Variants in OPCML observed in about 807,000 individuals in gnomAD.
OPCML encodes opioid-binding protein/cell adhesion molecule.
In OPCML, 13 loss-of-function variants were observed where a neutral mutation model predicts 37.8. The ratio of observed to expected loss-of-function variants is 0.34; its 90% CI spans 0.22 to 0.55. The LOEUF (loss-of-function observed/expected upper bound fraction) is 0.55. Among genes scored for constraint, OPCML ranks in the 20% least tolerant of loss-of-function variants. The pLI is 0.91. For missense variants in OPCML, 341 were observed against 435.6 expected, an observed-to-expected ratio of 0.78 and a Z score of 1.93; for synonymous variants, 176 against 168.8, an observed-to-expected ratio of 1.04 and a Z score of -0.33.
At chr11:132,772,522 G>A (rs1454828414) in intron 2 of OPCML, 1 of 152,066 alleles carries the variant, frequency 6.6e-6, no homozygotes, top group African/African-American at 2.4e-5. Flanking sequence ...ATGGAAGGAG[G>A]GCACTTATTC....
At chr11:132,853,804 C>T (rs1408473662) in intron 2 of OPCML, among the ~76,000 whole-genome samples, 5 of 152,140 alleles carry the variant, frequency 3.3e-5, no homozygotes, top group Admixed American at 1.3e-4. Context: ...TATAAAAACA[C>T]AAACAAAACT....
chr11:132,691,288 C>T (rs895070233), intron 2 of OPCML, among the ~76,000 whole-genome samples: 1 of 152,194 alleles, frequency 6.6e-6, no homozygotes, highest in Non-Finnish European at 1.5e-5. Context: ...ACCTCCTGAC[C>T]TCCCATTGCA....
intron 4 of OPCML, among the ~76,000 whole-genome samples, chr11:132,438,784 G>A (rs2096021922): frequency 1.3e-5 from 2 of 152,144 alleles, no homozygotes; most frequent in South Asian, 2.1e-4. Flanking sequence ...GTCTGTGGAG[G>A]TGGGCTTGGG....
At chr11:132,613,589 C>A (rs1259642556) in intron 3 of OPCML, among the ~76,000 whole-genome samples, 1 of 152,188 alleles carries the variant, frequency 6.6e-6, no homozygotes, top group Non-Finnish European at 1.5e-5. Flanking sequence ...CCCAGTCGTT[C>A]TTCCCCATTC....
chr11:133,046,238 C>T (rs1319297156), intron 1 of OPCML, among the ~76,000 whole-genome samples: 4 of 152,142 alleles, frequency 2.6e-5, no homozygotes, highest in Non-Finnish European at 5.9e-5. Context: ...TGGTCAATGC[C>T]TTTGAAAATT....
At chr11:132,678,819 A>T (rs1198813575) in intron 2 of OPCML, among the ~76,000 whole-genome samples, 2 of 152,134 alleles carry the variant, frequency 1.3e-5, no homozygotes, top group Non-Finnish European at 2.9e-5. Context: ...CTCATTACAC[A>T]TTTGTCTAAA....
chr11:133,225,406 C>A (rs762314110), intron 1 of OPCML, among the ~76,000 whole-genome samples: 2 of 152,208 alleles, frequency 1.3e-5, no homozygotes, highest in South Asian at 2.1e-4. Context: ...AGCTGGGCAA[C>A]CCTCGGCCCG....
intron 2 of OPCML, among the ~76,000 whole-genome samples, chr11:132,821,607 T>C (rs1565888384): frequency 2.0e-5 from 3 of 152,236 alleles, no homozygotes; most frequent in South Asian, 2.1e-4. Flanking sequence ...AGACCTGTAA[T>C]ACATGAAAGA....
chr11:133,150,929 C>T (rs1949972590), intron 1 of OPCML, among the ~76,000 whole-genome samples: 1 of 152,024 alleles, frequency 6.6e-6, no homozygotes, highest in African/African-American at 2.4e-5. Context: ...TCCTCCCCTG[C>T]CCCGGAACCC....
At chr11:133,272,356 T>C (rs1456382351) in intron 1 of OPCML, among the ~76,000 whole-genome samples, 2 of 152,152 alleles carry the variant, frequency 1.3e-5, no homozygotes, top group Admixed American at 6.5e-5. Flanking sequence ...AGTTATTTAT[T>C]ATCAGACAGT....
At chr11:132,975,862 C>T (rs1054468708) in intron 1 of OPCML, among the ~76,000 whole-genome samples, 4 of 152,104 alleles carry the variant, frequency 2.6e-5, no homozygotes, top group Admixed American at 6.5e-5. Flanking sequence ...CCTCCACCTC[C>T]CGGGTTCACA....
chr11:133,307,465 G>T (rs140118473), intron 1 of OPCML, among the ~76,000 whole-genome samples: 88 of 152,252 alleles, frequency 5.8e-4, no homozygotes, highest in African/African-American at 1.9e-3. Flanking sequence ...ATATAAAAGA[G>T]TACCCACGGA....
intron 7 of OPCML, among the ~76,000 whole-genome samples, chr11:132,423,957 C>T (rs922686693): frequency 6.6e-6 from 1 of 152,138 alleles, no homozygotes; most frequent in East Asian, 1.9e-4. Context: ...AGCATGGCCT[C>T]GGCTGGTAAC....
chr11:132,482,213 C>T (rs1447930926), intron 4 of OPCML, among the ~76,000 whole-genome samples: 29 of 150,824 alleles, frequency 1.9e-4, no homozygotes, highest in Admixed American at 9.2e-4. Flanking sequence ...ATCAAATAGA[C>T]GCAATAAAAA....
At chr11:133,207,362 G>T (rs1015336898) in intron 1 of OPCML, among the ~76,000 whole-genome samples, 3 of 152,090 alleles carry the variant, frequency 2.0e-5, no homozygotes, top group African/African-American at 7.2e-5. Flanking sequence ...CTTTGATACT[G>T]AGCAGGTTAA....
intron 1 of OPCML, among the ~76,000 whole-genome samples, chr11:133,185,854 G>A (rs560943552): frequency 2.6e-5 from 4 of 152,058 alleles, no homozygotes; most frequent in African/African-American, 9.6e-5. Context: ...CTTAAATACA[G>A]GTATCTGAAT....
intron 4 of OPCML, among the ~76,000 whole-genome samples, chr11:132,438,637 G>C (rs1042867381): frequency 1.3e-5 from 2 of 151,756 alleles, no homozygotes; most frequent in Non-Finnish European, 2.9e-5. Flanking sequence ...CTGTGGAGAT[G>C]GGCTGGTGTC....
intron 1 of OPCML, among the ~76,000 whole-genome samples, chr11:133,236,796 T>G (rs1940537757): frequency 6.6e-6 from 1 of 152,234 alleles, no homozygotes; most frequent in Admixed American, 6.5e-5. Flanking sequence ...TCTCCTCTAC[T>G]TTTGCCTCTT....
intron 1 of OPCML, among the ~76,000 whole-genome samples, chr11:133,447,524 C>T (rs1946497064): frequency 6.6e-6 from 1 of 152,166 alleles, no homozygotes; most frequent in Admixed American, 6.5e-5. Context: ...TCCTTCTCTC[C>T]CTTCTCCCCC....
Sources: gnomAD v4.1 joint callset for allele counts (sites outside exome capture counted in the v4.1 genomes callset) on GRCh38, gnomAD v4.1.1 for gene constraint, MANE v1.5 for transcripts, NCBI Gene and HGNC (gene_info 2026-07-23, HGNC 2026-07-21) for gene names.